Variants in SNX29 observed in about 807,000 individuals in gnomAD.
SNX29 encodes sorting nexin 29.
Under a neutral mutation model 102.1 loss-of-function variants are expected in SNX29, and 78 were observed. That is an observed-to-expected ratio of 0.76 (90% confidence interval 0.64 to 0.92). SNX29 has a LOEUF of 0.92. Ranked by LOEUF, SNX29 falls within the 40% of genes least tolerant of loss-of-function variation. The probability of loss-of-function intolerance (pLI) is 0.00; values close to 1 mark genes in which losing one functional copy is unlikely to be tolerated. For synonymous variants in SNX29, 580 were observed against 414.5 expected (o/e 1.40, Z -4.85); for missense variants, 1,280 against 1,061.7 (o/e 1.21, Z -2.86).
chr16:12,167,774 G>C (rs779587257), intron 13 of SNX29, among the ~76,000 whole-genome samples: 2 of 152,198 alleles, frequency 1.3e-5, no homozygotes, highest in African/African-American at 2.4e-5. Context: ...TCCAGTTTCA[G>C]TGTGATTCTA....
At chr16:12,468,825 A>T (rs974161663) in intron 18 of SNX29, among the ~76,000 whole-genome samples, 6 of 152,214 alleles carry the variant, frequency 3.9e-5, no homozygotes, top group Admixed American at 3.9e-4. Flanking sequence ...CACACCCTCA[A>T]CCTAGCATCC....
At chr16:12,349,763 G>T (rs2081942283) in intron 15 of SNX29, among the ~76,000 whole-genome samples, 1 of 152,028 alleles carries the variant, frequency 6.6e-6, no homozygotes, top group Non-Finnish European at 1.5e-5. Context: ...ATCCAAATGT[G>T]TCTGCAGTTT....
intron 18 of SNX29, among the ~76,000 whole-genome samples, chr16:12,404,247 G>A (rs1232476863): frequency 6.6e-6 from 1 of 152,206 alleles, no homozygotes; most frequent in Non-Finnish European, 1.5e-5. Context: ...GGTACGGATA[G>A]CCGCACCCAG....
intron 20 of SNX29, among the ~76,000 whole-genome samples, chr16:12,543,020 G>A (rs900864739): frequency 1.3e-5 from 2 of 152,160 alleles, no homozygotes; most frequent in Admixed American, 6.5e-5. Flanking sequence ...CTTCAGGAAT[G>A]GCTGGATCCA....
At chr16:12,221,793 C>T (rs1431773090) in intron 14 of SNX29, among the ~76,000 whole-genome samples, 1 of 152,214 alleles carries the variant, frequency 6.6e-6, no homozygotes, top group Non-Finnish European at 1.5e-5. Context: ...TCCTGTCTGC[C>T]TGCTCTCCAG....
At chr16:12,084,260 C>G (rs886288408) in intron 11 of SNX29, among the ~76,000 whole-genome samples, 24 of 152,076 alleles carry the variant, frequency 1.6e-4, no homozygotes, top group African/African-American at 5.8e-4. Flanking sequence ...ATTCTCCTGC[C>G]TCAGCCTCAT....
chr16:12,452,107 G>C lies in SNX29; in HGVS notation c.2038-25612G>C, dbSNP rs150889663. ...ATAGGGTGCTGGACCCACCCTGAGG[G>C]ATTATCATGAGGCTTAAATGAGGTA... On this transcript the variant is annotated intron_variant, in intron 18 of 20. Transcript: ENST00000566228. 8.9e-4 allele frequency among the ~76,000 whole-genome samples: 135 copies of C among 152,276 alleles called. No homozygotes were observed. The East Asian group carries it at 0.024, about 27-fold the overall frequency.
chr16:12,092,440 C>T lies in SNX29; in HGVS notation c.1402+13525C>T, dbSNP rs779556602. On this transcript the variant is annotated intron_variant, in intron 11 of 20. Transcript: ENST00000566228. ...TATAATCACCATTGTGTCTCTATCT[C>T]GGGATGCAGTAAAGGCCTGGTAATA... 2.6e-5 allele frequency among the ~76,000 whole-genome samples: 4 copies of T among 152,184 alleles called. No individual in the cohort carries two copies. The South Asian group carries it at 6.2e-4, about 24-fold the overall frequency.
intron 20 of SNX29, among the ~76,000 whole-genome samples, chr16:12,535,879 C>G (rs529988473): frequency 6.6e-6 from 1 of 152,148 alleles, no homozygotes; most frequent in African/African-American, 2.4e-5. Context: ...GTCCAAGGTC[C>G]TACCCATCTC....
At chr16:12,206,387 A>G (rs2077044958) in intron 14 of SNX29, among the ~76,000 whole-genome samples, 1 of 150,620 alleles carries the variant, frequency 6.6e-6, no homozygotes, top group African/African-American at 2.5e-5. Flanking sequence ...TAGCTTTCAA[A>G]AAAAAAAAAA....
chr16:12,351,452 T>TG (rs1429057955), intron 15 of SNX29, among the ~76,000 whole-genome samples: 1 of 152,174 alleles, frequency 6.6e-6, no homozygotes, highest in African/African-American at 2.4e-5. Context: ...ATTGAAATTT[T>TG]GGGGGGTGTC....
intron 15 of SNX29, among the ~76,000 whole-genome samples, chr16:12,323,644 C>A (rs138573906): frequency 1.3e-5 from 2 of 152,270 alleles, no homozygotes; most frequent in African/African-American, 4.8e-5. Context: ...ACTGTCGTAT[C>A]CAGGCACCAC....
At chr16:12,151,184 C>A (rs571134003) in intron 13 of SNX29, among the ~76,000 whole-genome samples, 1 of 152,184 alleles carries the variant, frequency 6.6e-6, no homozygotes, top group Admixed American at 6.5e-5. Flanking sequence ...GAGCCTGTTA[C>A]ACTCTCTGCT....
chr16:12,116,789 C>A (rs1280990471), intron 11 of SNX29, among the ~76,000 whole-genome samples: 2 of 152,218 alleles, frequency 1.3e-5, no homozygotes, highest in Admixed American at 6.5e-5. Flanking sequence ...TTAGTCAATA[C>A]CTGCTTCAAC....
intron 3 of SNX29, among the ~76,000 whole-genome samples, chr16:12,013,550 G>GAGAGAGAGA (rs1328907951): frequency 9.3e-6 from 1 of 107,030 alleles, no homozygotes; most frequent in African/African-American, 3.3e-5. Flanking sequence ...TATCGAGAGA[G>GAGAGAGAGA]GAGAAAAGGG....
intron 13 of SNX29, among the ~76,000 whole-genome samples, chr16:12,190,602 A>G (rs1328861336): frequency 6.6e-6 from 1 of 152,180 alleles, no homozygotes; most frequent in African/African-American, 2.4e-5. Flanking sequence ...AGTTGCAGAC[A>G]GAGAATCAGA....
At chr16:12,145,373 T>C (rs934212805) in intron 13 of SNX29, among the ~76,000 whole-genome samples, 1 of 152,202 alleles carries the variant, frequency 6.6e-6, no homozygotes, top group African/African-American at 2.4e-5. Context: ...CAATTTACAT[T>C]CTGTTTATTT....
At chr16:12,134,344 A>G (rs1161806581) in intron 13 of SNX29, among the ~76,000 whole-genome samples, 1 of 152,206 alleles carries the variant, frequency 6.6e-6, no homozygotes, top group African/African-American at 2.4e-5. Context: ...ATTTCTGTGA[A>G]TTAGGACTCT....
At chr16:12,111,678 T>A (rs1382283703) in intron 11 of SNX29, among the ~76,000 whole-genome samples, 4 of 152,134 alleles carry the variant, frequency 2.6e-5, no homozygotes, top group Admixed American at 2.6e-4. Context: ...TTGAGTGTGA[T>A]GGAGAGATCA....
Sources: gnomAD v4.1 joint callset for allele counts (sites outside exome capture counted in the v4.1 genomes callset) on GRCh38, gnomAD v4.1.1 for gene constraint, MANE v1.5 for transcripts, NCBI Gene and HGNC (gene_info 2026-07-23, HGNC 2026-07-21) for gene names.